SIGLEC15: variants seen among roughly 807,000 people sequenced by gnomAD.
SIGLEC15 encodes sialic acid-binding Ig-like lectin 15.
In SIGLEC15, 31 loss-of-function variants were observed where a neutral mutation model predicts 26.2. The observed-to-expected ratio is 1.18, with a 90% CI of 0.89 to 1.60. The LOEUF is 1.60. SIGLEC15 is among the 40% of genes most tolerant of loss of function. The pLI, the probability that SIGLEC15 is intolerant of heterozygous loss-of-function variation, is 0.00. For missense variants in SIGLEC15, 501 were observed against 488.4 expected (o/e 1.03, Z -0.24); for synonymous variants, 207 against 221.9 (o/e 0.93, Z 0.60).
Position 45,842,445 on chromosome 18 carries a change from G to C in SIGLEC15, c.*258G>C. On this transcript the variant is annotated 3_prime_UTR_variant, in exon 6 of 6. Coordinates refer to ENST00000389474, the MANE Select transcript of SIGLEC15 (RefSeq NM_213602.3). ...CGTCTGTGTGTGTGTGTGTGTGTGA[G>C]AGAGAGAGAGAGAGAGTACACGCAT... 2 of 421,552 alleles carry C rather than the reference G, an allele frequency of 4.7e-6. No homozygotes were observed. Among genetic ancestry groups the C allele is most frequent in the South Asian group, 3.4e-5 (1 of 29,512 alleles). The allele number at this position is 421,552 out of a possible 1,614,324, so 26.1% of individuals were successfully genotyped here.
chr18:45,827,498 T>C (rs1253149398), intron 1 of SIGLEC15, among the ~76,000 whole-genome samples: 1 of 152,100 alleles, frequency 6.6e-6, no homozygotes, highest in Non-Finnish European at 1.5e-5. Context: ...AAGTGGTCAA[T>C]GGGAGAGGGG....
At chr18:45,827,118 G>A (rs538436801) in intron 1 of SIGLEC15, among the ~76,000 whole-genome samples, 9 of 152,278 alleles carry the variant, frequency 5.9e-5, no homozygotes, top group African/African-American at 1.2e-4. Flanking sequence ...ATTTTGCCAC[G>A]TTGTCCAGCC....
At position 45,840,222 on chromosome 18, in the gene SIGLEC15, A is replaced by AC; in HGVS notation, c.890dup (p.Asp298GlyfsTer14). On this transcript the variant is annotated frameshift_variant, in exon 5 of 6. Transcript: ENST00000389474. LOFTEE classifies it low-confidence loss of function (END_TRUNC). ...TGTCCCTCCCACAGAGCATCTGGAC[A>AC]CCCCGGACACCCCACCACGGTAAGT... is the stretch of plus-strand genomic sequence containing the variant. 1 of 1,612,196 alleles carries AC rather than the reference A, an allele frequency of 6.2e-7. No individual in the cohort carries two copies. Among genetic ancestry groups the AC allele is most frequent in the South Asian group, 1.1e-5 (1 of 90,756 alleles).
intron 1 of SIGLEC15, among the ~76,000 whole-genome samples, chr18:45,831,652 T>C (rs1454862707): frequency 6.6e-6 from 1 of 152,030 alleles, no homozygotes; most frequent in South Asian, 2.1e-4. Context: ...AAATTCCAGG[T>C]GAGTTAAGGA....
intron 1 of SIGLEC15, among the ~76,000 whole-genome samples, chr18:45,833,493 A>G (rs2048250925): frequency 6.6e-6 from 1 of 151,902 alleles, no homozygotes; most frequent in African/African-American, 2.4e-5. Flanking sequence ...TTGTATTTTT[A>G]GTAGAGACGG....
At chr18:45,838,635 A>T (rs1010448368) in intron 3 of SIGLEC15, 83 bp from the exon 4 acceptor site, 2 of 1,433,594 alleles carry the variant, frequency 1.4e-6, no homozygotes, top group African/African-American at 3.0e-5. Context: ...CCTTCTGACC[A>T]GCCCCCACCC....
chr18:45,828,380 T>A (rs1197126761), intron 1 of SIGLEC15, among the ~76,000 whole-genome samples: 1 of 152,058 alleles, frequency 6.6e-6, no homozygotes, highest in African/African-American at 2.4e-5. Flanking sequence ...GCTCCCCACA[T>A]AGCCTCCCAG....
chr18:45,828,167 C>A (rs544428484), intron 1 of SIGLEC15, among the ~76,000 whole-genome samples: 1 of 152,218 alleles, frequency 6.6e-6, no homozygotes, highest in Non-Finnish European at 1.5e-5. Flanking sequence ...CGTGTGTGCA[C>A]CAGAGGCTCT....
At chr18:45,834,136 G>A (rs980977937) in intron 1 of SIGLEC15, among the ~76,000 whole-genome samples, 1 of 152,102 alleles carries the variant, frequency 6.6e-6, no homozygotes, top group Admixed American at 6.5e-5. Flanking sequence ...CCTTTCTCAA[G>A]GCTCTGCTGA....
chr18:45,826,581 C>T (rs1287605031), intron 1 of SIGLEC15, among the ~76,000 whole-genome samples: 1 of 152,162 alleles, frequency 6.6e-6, no homozygotes, highest in Admixed American at 6.5e-5. Flanking sequence ...CCTCAGAGCA[C>T]CTCTCTCCAG....
chr18:45,837,325 C>G (rs975510079), intron 2 of SIGLEC15, among the ~76,000 whole-genome samples, 188 bp from the exon 3 acceptor site: 2 of 152,222 alleles, frequency 1.3e-5, no homozygotes, highest in African/African-American at 4.8e-5. Context: ...GTGCAGGCAC[C>G]AGGAATTGCC....
At chr18:45,840,322 A>T in intron 5 of SIGLEC15, 81 bp downstream of exon 5, 2 of 1,474,456 alleles carry the variant, frequency 1.4e-6, no homozygotes, top group South Asian at 2.5e-5. Context: ...CAGGAGAAGG[A>T]ATAAATGGCA....
In SIGLEC15 at chr18:45,838,772, G is replaced by A. The variant is rs2048298784; in HGVS notation, c.551G>A (p.Arg184His). The change falls in exon 4 of 6, where the codon CGC becomes CAC. Residue 184 changes from arginine to histidine, a missense_variant. By Grantham distance (29) the Arg-to-His change is conservative (BLOSUM62 0). Transcript: ENST00000389474. ...SVLPSPAHAF[R>H]ALCTAEGEPP... is the part of the protein sequence containing the mutation. ...CTGCCCAGTCCGGCTCACGCCTTCCGCGCGCTCTGCACTGCCGAAGGGGAG... is the reference window on the plus strand; with the variant it reads ...CTGCCCAGTCCGGCTCACGCCTTCCACGCGCTCTGCACTGCCGAAGGGGAG... 2.5e-6 allele frequency: 4 copies of A among 1,572,890 alleles called. No homozygotes were observed. Among genetic ancestry groups the A allele is most frequent in the Non-Finnish European group, 3.4e-6 (4 of 1,167,432 alleles).
chr18:45,842,167 G>C lies in SIGLEC15; in HGVS notation c.967G>C (p.Ala323Pro). ...CCAGATGAACCCCCGGAGCCCACCA[G>C]CCACCATGTGCTCACCGTGAGGAGT... ...LSQMNPRSPP[A>P]TMCSP The change falls in exon 6 of 6, where the codon GCC becomes CCC. Residue 323 changes from alanine (A) to proline (P), a missense_variant. Coordinates refer to ENST00000389474, the MANE Select transcript of SIGLEC15 (RefSeq NM_213602.3). 6.2e-7 allele frequency: 1 copy of C among 1,614,182 alleles called. No individual in the cohort carries two copies. The highest frequency in any genetic ancestry group is 1.1e-5 in the South Asian group (1 of 91,076).
intron 1 of SIGLEC15, chr18:45,829,251 T>C: frequency 1.4e-6 from 1 of 725,468 alleles, no homozygotes; most frequent in Middle Eastern, 7.1e-4. Context: ...GGAAGCCAGA[T>C]AACCCTGAAG....
chr18:45,839,535 G>A lies in SIGLEC15; in HGVS notation c.874+440G>A, dbSNP rs551559149. ...TCCCCTGCCCTGCAGTGCGTGCTGA[G>A]CGGTAGACAGATCATTGCAATGTGC... is the stretch of plus-strand genomic sequence containing the variant. On this transcript the variant is annotated intron_variant, in intron 4 of 5. Coordinates refer to ENST00000389474, the MANE Select transcript of SIGLEC15 (RefSeq NM_213602.3). 2.6e-5 allele frequency among the ~76,000 whole-genome samples: 4 copies of A among 152,262 alleles called. No homozygotes were observed. In the Middle Eastern group the frequency reaches 0.01, roughly 388 times the overall value.
intron 1 of SIGLEC15, among the ~76,000 whole-genome samples, chr18:45,835,837 A>G (rs1038594703): frequency 2.6e-5 from 4 of 152,204 alleles, no homozygotes; most frequent in Admixed American, 6.5e-5. Context: ...CCCCAGGCTC[A>G]GGACACTACA....
chr18:45,825,712 G>A lies in SIGLEC15; in HGVS notation c.-17G>A, dbSNP rs2048179554. 1.2e-6 allele frequency: 2 copies of A among 1,614,180 alleles called. No homozygotes were observed. Among genetic ancestry groups the A allele is most frequent in the Non-Finnish European group, 1.7e-6 (2 of 1,180,002 alleles). ...GCCGAGAGCGGGTCTGGCCTGGGGTGTTCAGATGCTCACAGCATGGAAAAG... is the reference window on the plus strand; with the variant it reads ...GCCGAGAGCGGGTCTGGCCTGGGGTATTCAGATGCTCACAGCATGGAAAAG... On this transcript the variant is annotated 5_prime_UTR_variant, in exon 1 of 6. Coordinates refer to ENST00000389474, the MANE Select transcript of SIGLEC15 (RefSeq NM_213602.3).
intron 4 of SIGLEC15, among the ~76,000 whole-genome samples, chr18:45,839,509 G>C (rs545907826): frequency 5.7e-4 from 87 of 152,188 alleles, no homozygotes; most frequent in Non-Finnish European, 1.1e-3. Flanking sequence ...ATATGGCATG[G>C]TCCCCTGCCC....
Sources: allele counts gnomAD v4.1 joint callset (sites outside exome capture counted in the v4.1 genomes callset), GRCh38; gene constraint gnomAD v4.1.1; transcripts MANE v1.5; gene names NCBI Gene and HGNC (gene_info 2026-07-23, HGNC 2026-07-21).